The following ENPP3 variants were observed in gnomAD, a reference collection of about 807,000 sequenced individuals.
The protein encoded by ENPP3 is ectonucleotide pyrophosphatase/phosphodiesterase family member 3.
ENPP3 carries 104 observed loss-of-function variants against 117.8 expected under a neutral mutation model. The ratio of observed to expected loss-of-function variants is 0.88; its 90% CI spans 0.75 to 1.04. The LOEUF is 1.04. Ranked by LOEUF, ENPP3 falls within the 50% of genes least tolerant of loss-of-function variation. The pLI is 0.00. For missense variants in ENPP3, 1,026 were observed against 1,051.9 expected (o/e 0.98, Z 0.34); for synonymous variants, 380 against 349.9 (o/e 1.09, Z -0.96).
chr6:131,700,172 A>G, intron 15 of ENPP3: 1 of 68,830 alleles, frequency 1.5e-5, no homozygotes, highest in East Asian at 3.2e-4. Flanking sequence ...TTTGAGGAAA[A>G]CATTATGGGA....
intron 21 of ENPP3, among the ~76,000 whole-genome samples, chr6:131,736,510 A>G (rs192031931): frequency 5.7e-4 from 87 of 152,190 alleles, no homozygotes; most frequent in African/African-American, 2.0e-3. Flanking sequence ...CATGGGAAAG[A>G]CCTGCCCCCA....
intron 6 of ENPP3, among the ~76,000 whole-genome samples, chr6:131,662,362 C>T (rs555892664): frequency 1.3e-5 from 2 of 152,264 alleles, no homozygotes; most frequent in Non-Finnish European, 2.9e-5. Context: ...CCCTCAGCCT[C>T]CTAAGTAGTT....
At chr6:131,725,988 G>A (rs1780145935) in intron 19 of ENPP3, 58 bp from the exon 20 acceptor site, 1 of 1,215,554 alleles carries the variant, frequency 8.2e-7, no homozygotes, top group African/African-American at 1.5e-5. Flanking sequence ...GTTATTACAT[G>A]CAAAGAAGCA....
intron 15 of ENPP3, among the ~76,000 whole-genome samples, chr6:131,701,894 A>AGAAG (rs1554265441): frequency 8.4e-6 from 1 of 118,990 alleles, no homozygotes; most frequent in Non-Finnish European, 2.0e-5. Flanking sequence ...GAAAAAAAAA[A>AGAAG]AAAAGAAAAG....
At chr6:131,666,899 G>T (rs948248523) in intron 6 of ENPP3, among the ~76,000 whole-genome samples, 11 of 152,188 alleles carry the variant, frequency 7.2e-5, no homozygotes, top group Admixed American at 2.0e-4. Context: ...CGATTCTGGA[G>T]GCCCCTTAAA....
chr6:131,643,603 G>C (rs1778097690), intron 2 of ENPP3, among the ~76,000 whole-genome samples: 1 of 151,712 alleles, frequency 6.6e-6, no homozygotes, highest in South Asian at 2.1e-4. Flanking sequence ...CCCAACCCTG[G>C]GTCATTTTCA....
intron 2 of ENPP3, among the ~76,000 whole-genome samples, chr6:131,643,809 G>A (rs1020030868): frequency 6.6e-6 from 1 of 152,074 alleles, no homozygotes; most frequent in African/African-American, 2.4e-5. Context: ...CCTTCCAGGA[G>A]TTTATATTTT....
chr6:131,654,469 G>T (rs1046187755), intron 5 of ENPP3, among the ~76,000 whole-genome samples: 2 of 150,516 alleles, frequency 1.3e-5, no homozygotes, highest in African/African-American at 4.9e-5. Context: ...TCAAGACAAG[G>T]TCTCATTCTG....
At chr6:131,692,159 G>A (rs569064454) in intron 14 of ENPP3, among the ~76,000 whole-genome samples, 1 of 152,070 alleles carries the variant, frequency 6.6e-6, no homozygotes, top group East Asian at 1.9e-4. Context: ...TAAAATAAAT[G>A]AGAAAATGAG....
intron 2 of ENPP3, among the ~76,000 whole-genome samples, chr6:131,648,898 G>A (rs1218757115): frequency 1.3e-5 from 2 of 152,180 alleles, no homozygotes; most frequent in African/African-American, 4.8e-5. Context: ...CTCCAAGTCA[G>A]TATCTTTAGT....
intron 2 of ENPP3, among the ~76,000 whole-genome samples, chr6:131,645,595 G>T (rs978448675): frequency 4.6e-5 from 7 of 152,150 alleles, no homozygotes; most frequent in African/African-American, 1.7e-4. Context: ...AAAACAGGAT[G>T]CATGAGAGAG....
chr6:131,648,711 C>T (rs906140454), intron 2 of ENPP3, among the ~76,000 whole-genome samples: 1 of 152,112 alleles, frequency 6.6e-6, no homozygotes, highest in Non-Finnish European at 1.5e-5. Flanking sequence ...TTATAACCTC[C>T]TTGCCTTCAA....
Position 131,747,112 on chromosome 6 carries a change from A to G in ENPP3, c.*156A>G. 6.4e-6 allele frequency: 3 copies of G among 465,510 alleles called. No individual in the cohort carries two copies. The highest frequency in any genetic ancestry group is 1.1e-5 in the Non-Finnish European group (3 of 268,556). 28.8% of individuals were successfully genotyped at this position (465,510 alleles called of 1,614,324 possible). Reference sequence around the variant, plus strand: ...TTATTATTCCTTTTTCTCTTTTTTCAATTCTATGAATATGTATTATTTTAA... The same window carrying G: ...TTATTATTCCTTTTTCTCTTTTTTCGATTCTATGAATATGTATTATTTTAA... On this transcript the variant is annotated 3_prime_UTR_variant, in exon 25 of 25. Coordinates refer to ENST00000357639, the MANE Select transcript of ENPP3 (RefSeq NM_005021.5).
At chr6:131,683,917 A>T (rs1252236488) in intron 12 of ENPP3, among the ~76,000 whole-genome samples, 1 of 151,584 alleles carries the variant, frequency 6.6e-6, no homozygotes, top group Admixed American at 6.6e-5. Context: ...CGCCTGGCTA[A>T]TTTTTTTGTA....
chr6:131,676,829 G>T (rs2114393208), intron 10 of ENPP3, 28 bp downstream of exon 10: 1 of 1,432,704 alleles, frequency 7.0e-7, no homozygotes, highest in African/African-American at 1.4e-5. Context: ...AAAAGTGCTG[G>T]CATAGTGGCA....
chr6:131,686,022 C>T (rs9493053), intron 14 of ENPP3, 115 bp downstream of exon 14: 41,799 of 479,980 alleles, frequency 0.087, 5,108 homozygotes, highest in African/African-American at 0.41. Flanking sequence ...GAATTTATTT[C>T]TAAACCTTCC....
At chr6:131,718,788 T>C (rs774859088) in intron 16 of ENPP3, 50 bp downstream of exon 16, 1 of 1,087,628 alleles carries the variant, frequency 9.2e-7, no homozygotes, top group East Asian at 2.4e-5. Flanking sequence ...CAGGGGTACA[T>C]GTACAGAATG....
At chr6:131,742,222 T>C (rs1046849840) in intron 24 of ENPP3, among the ~76,000 whole-genome samples, 2 of 152,136 alleles carry the variant, frequency 1.3e-5, no homozygotes, top group African/African-American at 2.4e-5. Flanking sequence ...TTCCTACTTT[T>C]TCTGTCAGCA....
Position 131,733,588 on chromosome 6 carries a change from G to C in ENPP3, c.1954G>C (p.Gly652Arg), listed in dbSNP as rs1307902708. 6.2e-7 allele frequency: 1 copy of C among 1,611,864 alleles called. No homozygotes were observed. The highest frequency in any genetic ancestry group is 2.2e-5 in the East Asian group (1 of 44,850). ...MWSSYTVPQL[G>R]DTSPLPPTVP... ...TTTTTTTCTCTCTCTCTTTGAACAG[G>C]GAGACACATCGCCTCTGCCTCCCAC... The change falls in exon 21 of 25, where the codon GGA becomes CGA. Residue 652 changes from glycine (G) to arginine (R), a missense_variant and splice_region_variant. Transcript: ENST00000357639.
Sources: allele counts gnomAD v4.1 joint callset (sites outside exome capture counted in the v4.1 genomes callset), GRCh38; gene constraint gnomAD v4.1.1; transcripts MANE v1.5; gene names NCBI Gene and HGNC (gene_info 2026-07-23, HGNC 2026-07-21).